COCH: variants seen among roughly 807,000 people sequenced by gnomAD.
COCH encodes the protein coagulation factor C homolog, cochlin (Limulus polyphemus).
A neutral mutation model predicts 54.8 loss-of-function variants in COCH; 40 were observed. The ratio of observed to expected loss-of-function variants is 0.73; its 90% CI spans 0.57 to 0.95. The LOEUF is 0.95. Ranked by LOEUF, COCH falls within the 40% of genes least tolerant of loss-of-function variation. COCH has a pLI of 0.00. For missense variants in COCH, 605 were observed against 675.0 expected (o/e 0.90, Z 1.15); for synonymous variants, 256 against 237.9 (o/e 1.08, Z -0.70).
downstream of COCH, chr14:30,890,758 C>G (rs556711010): frequency 1.4e-5 from 3 of 216,530 alleles, no homozygotes; most frequent in Non-Finnish European, 2.4e-5. Context: ...TTTATTGAGG[C>G]CAAGCACAGT....
intron 11 of COCH, among the ~76,000 whole-genome samples, chr14:30,888,792 GAAAAAAA>G (rs34664716): frequency 3.2e-5 from 4 of 126,728 alleles, no homozygotes; most frequent in African/African-American, 1.2e-4. Flanking sequence ...CCCTGTCTGA[GAAAAAAA>G]AAAAAAAAAG....
intron 10 of COCH, 82 bp downstream of exon 10, chr14:30,885,702 T>C: frequency 3.9e-6 from 6 of 1,526,342 alleles, no homozygotes; most frequent in Admixed American, 1.7e-5. Context: ...CTGCCTCTTA[T>C]CTAGATTAAC....
downstream of COCH, chr14:30,894,110 G>A (rs1362613740): frequency 6.6e-6 from 1 of 152,444 alleles, no homozygotes; most frequent in African/African-American, 2.4e-5. Context: ...AAAATCTTTA[G>A]TTACACCATA....
intron 11 of COCH, among the ~76,000 whole-genome samples, chr14:30,887,399 GAAAAAAA>G (rs1204767410): frequency 2.7e-5 from 3 of 111,908 alleles, no homozygotes; most frequent in East Asian, 2.6e-4. Context: ...GTCTCAAAAA[GAAAAAAA>G]AAAAAAAAAA....
In COCH at chr14:30,886,070, C is replaced by T; in HGVS notation, c.1235C>T (p.Thr412Ile). The T allele has an allele frequency of 6.2e-7, 1 of 1,614,236 alleles. No individual in the cohort carries two copies. Among genetic ancestry groups the T allele is most frequent in the Non-Finnish European group, 8.5e-7 (1 of 1,180,052 alleles). ...GCCAAGATAGCTGCTGTACAGTTTA[C>T]TTATGATCAGCGCACGGAGTTCAGT... ...IGAKIAAVQF[T>I]YDQRTEFSFT... is the part of the protein sequence containing the mutation. Residue 412 changes from threonine to isoleucine, a missense_variant, in exon 11 of 12, where the codon ACT (threonine) becomes ATT (isoleucine). By Grantham distance (89) the Thr-to-Ile change is moderately conservative. Transcript: ENST00000396618.
chr14:30,894,987 C>G, downstream of COCH: 1 of 793,042 alleles, frequency 1.3e-6, no homozygotes, highest in South Asian at 2.4e-5. Flanking sequence ...AAAAAAGCTA[C>G]TCTTGGAGCT....
chr14:30,893,213 G>A (rs1002483338), downstream of COCH, among the ~76,000 whole-genome samples: 5 of 145,048 alleles, frequency 3.4e-5, no homozygotes, highest in African/African-American at 1.0e-4. Context: ...GTGCAGTGGC[G>A]TGATCTCAGC....
At chr14:30,887,147 CTT>C (rs1233800008) in intron 11 of COCH, among the ~76,000 whole-genome samples, 4 of 152,120 alleles carry the variant, frequency 2.6e-5, no homozygotes, top group Non-Finnish European at 5.9e-5. Context: ...TAATTCAGCA[CTT>C]TGGGAGGCTG....
rs1344696770 is a variant in COCH at position 30,889,704 on chromosome 14, C to T, written c.1566C>T (p.Phe522=). The T allele has an allele frequency of 1.9e-6, 3 of 1,613,860 alleles. No homozygotes were observed. The East Asian group carries it at 6.7e-5, about 36-fold the overall frequency. The change falls in exon 12 of 12, where the codon TTC becomes TTT. Residue 522 remains phenylalanine, a synonymous_variant. Transcript: ENST00000396618. The part of the protein sequence containing the change: ...MASKPKESHA[F]FTREFTGLEP... The stretch of plus-strand genomic sequence containing the variant: ...CTAAACCGAAGGAGTCTCATGCTTT[C>T]TTCACAAGAGAGTTCACAGGATTAG...
chr14:30,875,767 G>C (rs1229990889), intron 3 of COCH: 4 of 155,542 alleles, frequency 2.6e-5, no homozygotes, highest in Non-Finnish European at 5.7e-5. Flanking sequence ...AGGAATGAGG[G>C]TTAAGTATCC....
At chr14:30,885,102 TTG>T in intron 9 of COCH, 3 of 1,563,252 alleles carry the variant, frequency 1.9e-6, no homozygotes, top group Non-Finnish European at 2.6e-6. Flanking sequence ...GGAATCAGTT[TTG>T]TGTTTCTAAC....
rs202109231 is a variant in COCH, at chr14:30,880,739, C to T, written c.629+5C>T. 1.1e-3 allele frequency: 1,701 copies of T among 1,607,586 alleles called. 1 individual carries two copies. Among genetic ancestry groups the T allele is most frequent in the Middle Eastern group, 2.5e-3 (15 of 6,052 alleles). On this transcript the variant is annotated splice_donor_5th_base_variant and intron_variant, in intron 8 of 11. Transcript: ENST00000396618. ...TGTGGGCCTTGTTCAAGCCAGGTAC[C>T]AACCTTGTTAAAATGGGAGATTTAA...
chr14:30,886,511 G>A (rs1366692849), intron 11 of COCH, among the ~76,000 whole-genome samples, 199 bp downstream of exon 11: 1 of 152,186 alleles, frequency 6.6e-6, no homozygotes, highest in Non-Finnish European at 1.5e-5. Context: ...CTAGTAAGTG[G>A]CAAGGCCAAG....
In COCH at chr14:30,886,074, T is replaced by G. The variant is rs767814589; in HGVS notation, c.1239T>G (p.Tyr413Ter). The G allele has an allele frequency of 6.2e-7, 1 of 1,614,144 alleles. No individual in the cohort carries two copies. Among genetic ancestry groups the G allele is most frequent in the East Asian group, 2.2e-5 (1 of 44,896 alleles). Reference sequence around the variant, plus strand: ...AGATAGCTGCTGTACAGTTTACTTATGATCAGCGCACGGAGTTCAGTTTCA... The same window carrying G: ...AGATAGCTGCTGTACAGTTTACTTAGGATCAGCGCACGGAGTTCAGTTTCA... ...GAKIAAVQFT[Y>*]DQRTEFSFTD... is the part of the protein sequence containing the mutation. The change falls in exon 11 of 12, where the codon TAT becomes TAG. Residue 413 changes from tyrosine (Y) to a stop codon, truncating the protein, a stop_gained. Transcript: ENST00000396618. LOFTEE classifies it high-confidence loss of function.
chr14:30,894,974 T>G, downstream of COCH: 1 of 966,838 alleles, frequency 1.0e-6, no homozygotes, highest in Non-Finnish European at 1.3e-6. Context: ...CACTAAGAGA[T>G]GAAAAAAAGC....
intron 8 of COCH, among the ~76,000 whole-genome samples, chr14:30,883,817 G>T (rs1418674322): frequency 6.6e-6 from 1 of 152,162 alleles, no homozygotes; most frequent in African/African-American, 2.4e-5. Context: ...TATAGGAAAT[G>T]AGATCTCAAA....
chr14:30,875,528 CGAGA>C, intron 3 of COCH: 1 of 493,182 alleles, frequency 2.0e-6, no homozygotes, highest in Non-Finnish European at 3.5e-6. Flanking sequence ...TTGCCGTAGC[CGAGA>C]GAGAGGGAGG....
chr14:30,874,776 C>A lies in COCH; in HGVS notation c.-23-140C>A. 5.1e-6 allele frequency: 4 copies of A among 778,944 alleles called. No homozygotes were observed. The Admixed American group carries it at 6.1e-5, about 12-fold the overall frequency. 48.3% of individuals were successfully genotyped at this position (778,944 alleles called of 1,614,324 possible). On this transcript the variant is annotated intron_variant, in intron 1 of 11. Transcript: ENST00000396618. ...GAGGCGCCTCCCAGACCTAGAGGGG[C>A]GCTGGCCTGGAGCAGCGGGTCGTCT...
At chr14:30,880,371 G>A in intron 6 of COCH, 81 bp from the exon 7 acceptor site, 1 of 1,584,264 alleles carries the variant, frequency 6.3e-7, no homozygotes, top group Non-Finnish European at 8.6e-7. Context: ...GCACTCTGTT[G>A]TTATGAGCTT....
Sources: allele counts gnomAD v4.1 joint callset (sites outside exome capture counted in the v4.1 genomes callset), GRCh38; gene constraint gnomAD v4.1.1; transcripts MANE v1.5; gene names NCBI Gene and HGNC (gene_info 2026-07-23, HGNC 2026-07-21).